The following GRID2 variants were observed in gnomAD, a reference collection of about 807,000 sequenced individuals.
GRID2 encodes the protein glutamate receptor ionotropic, delta-2.
Under a neutral mutation model 114.8 loss-of-function variants are expected in GRID2, and 33 were observed. That is an observed-to-expected ratio of 0.29 (90% CI 0.22 to 0.38). The LOEUF is 0.38. Among genes scored for constraint, GRID2 ranks in the 10% least tolerant of loss-of-function variants. GRID2 has a pLI of 1.00. For synonymous variants in GRID2, 505 were observed against 449.9 expected (o/e 1.12, Z -1.55); for missense variants, 1,184 against 1,257.7 (o/e 0.94, Z 0.89).
intron 4 of GRID2, among the ~76,000 whole-genome samples, chr4:93,193,126 A>T (rs901288987): frequency 2.0e-5 from 3 of 152,164 alleles, no homozygotes; most frequent in African/African-American, 4.8e-5. Flanking sequence ...TAATTCTATC[A>T]TCAAGTCATC....
intron 8 of GRID2, among the ~76,000 whole-genome samples, chr4:93,271,705 A>G (rs1282931779): frequency 6.6e-6 from 1 of 152,184 alleles, no homozygotes; most frequent in Non-Finnish European, 1.5e-5. Flanking sequence ...AATTTTTTGA[A>G]AAGTAAGGAA....
intron 4 of GRID2, among the ~76,000 whole-genome samples, chr4:93,112,404 GT>G (rs1732855973): frequency 6.6e-6 from 1 of 152,050 alleles, no homozygotes; most frequent in African/African-American, 2.4e-5. Flanking sequence ...CATGGGGGCG[GT>G]TTCCCCCATG....
At chr4:93,361,104 G>C (rs1364121875) in intron 8 of GRID2, among the ~76,000 whole-genome samples, 1 of 151,708 alleles carries the variant, frequency 6.6e-6, no homozygotes, top group East Asian at 1.9e-4. Context: ...GACATCTATA[G>C]TGGGACATGC....
At chr4:93,426,121 T>C (rs1247548880) in intron 10 of GRID2, among the ~76,000 whole-genome samples, 1 of 152,106 alleles carries the variant, frequency 6.6e-6, no homozygotes, top group Non-Finnish European at 1.5e-5. Flanking sequence ...AAGGCAGTGG[T>C]AGGGAAAATA....
rs1373915859 is a variant in GRID2 at position 92,603,722 on chromosome 4, C to T, written c.244+13436C>T. 2.6e-5 allele frequency among the ~76,000 whole-genome samples: 4 copies of T among 151,906 alleles called. No homozygotes were observed. The East Asian group carries it at 7.7e-4, about 29-fold the overall frequency. Reference sequence around the variant, plus strand: ...ATTTAACTAAAGAGATTCTGCACAGCAAAATAAACTACCATCAGAACAGAA... The same window carrying T: ...ATTTAACTAAAGAGATTCTGCACAGTAAAATAAACTACCATCAGAACAGAA... On this transcript the variant is annotated intron_variant, in intron 2 of 15. Transcript: ENST00000282020.
intron 12 of GRID2, among the ~76,000 whole-genome samples, chr4:93,514,643 G>T (rs559323934): frequency 3.9e-5 from 6 of 151,974 alleles, no homozygotes; most frequent in Non-Finnish European, 4.4e-5. Flanking sequence ...CTATAAAATG[G>T]GTCAAATAAT....
intron 8 of GRID2, among the ~76,000 whole-genome samples, chr4:93,290,926 G>A (rs1753683265): frequency 8.1e-6 from 1 of 124,134 alleles, no homozygotes; most frequent in African/African-American, 3.1e-5. Context: ...CGCCCAAGCT[G>A]GAGTGCAGTG....
intron 10 of GRID2, among the ~76,000 whole-genome samples, chr4:93,423,386 C>A (rs571439213): frequency 1.7e-5 from 2 of 118,352 alleles, no homozygotes; most frequent in Non-Finnish European, 3.2e-5. Context: ...CTCACTCTGT[C>A]CTCCAGGCTG....
At chr4:93,389,278 T>C (rs1240946076) in intron 8 of GRID2, among the ~76,000 whole-genome samples, 1 of 152,050 alleles carries the variant, frequency 6.6e-6, no homozygotes, top group Non-Finnish European at 1.5e-5. Flanking sequence ...GCAACTTTTA[T>C]CAGGTTGTAA....
chr4:92,447,867 C>A (rs577387340), intron 1 of GRID2, among the ~76,000 whole-genome samples: 1 of 152,170 alleles, frequency 6.6e-6, no homozygotes, highest in Non-Finnish European at 1.5e-5. Context: ...CTCCTAATAC[C>A]ATCACCTTAT....
intron 2 of GRID2, among the ~76,000 whole-genome samples, chr4:92,740,672 CATAGATAGATAGATAGATG>C (rs762424247): frequency 2.3e-5 from 2 of 85,946 alleles, no homozygotes; most frequent in East Asian, 4.9e-4. Context: ...GTTTATTCTG[CATAGATAGATAGATAGATG>C]ATAGATAGAT....
intron 2 of GRID2, among the ~76,000 whole-genome samples, chr4:92,746,077 T>C (rs1481292089): frequency 2.0e-5 from 3 of 152,242 alleles, no homozygotes; most frequent in East Asian, 3.9e-4. Flanking sequence ...CTCCTGTAGA[T>C]CTAGTGTTTA....
chr4:92,879,577 T>C (rs1745860762), intron 2 of GRID2, among the ~76,000 whole-genome samples: 1 of 150,638 alleles, frequency 6.6e-6, no homozygotes, highest in South Asian at 2.1e-4. Context: ...CACTTGCCTG[T>C]AAGGCAAGGG....
chr4:93,554,686 C>G (rs755594210), intron 13 of GRID2, among the ~76,000 whole-genome samples: 3 of 152,162 alleles, frequency 2.0e-5, no homozygotes, highest in African/African-American at 4.8e-5. Flanking sequence ...ACTCTAACCT[C>G]AATCTCCTGA....
chr4:93,766,766 C>A (rs1038973915), intron 14 of GRID2, among the ~76,000 whole-genome samples: 1 of 151,980 alleles, frequency 6.6e-6, no homozygotes, highest in African/African-American at 2.4e-5. Flanking sequence ...TTTAGGTGGG[C>A]AAATACATAA....
intron 2 of GRID2, among the ~76,000 whole-genome samples, chr4:93,071,125 C>G (rs1560847548): frequency 6.6e-6 from 1 of 152,120 alleles, no homozygotes; most frequent in Non-Finnish European, 1.5e-5. Context: ...TCTTTCCACT[C>G]TCTTCCTCAT....
At chr4:93,711,260 C>T (rs1172904866) in intron 14 of GRID2, among the ~76,000 whole-genome samples, 7 of 152,128 alleles carry the variant, frequency 4.6e-5, no homozygotes, top group Admixed American at 2.6e-4. Context: ...GATGTTTATT[C>T]AAAGTCCAAG....
At chr4:92,679,755 T>G (rs934181450) in intron 2 of GRID2, among the ~76,000 whole-genome samples, 1 of 152,050 alleles carries the variant, frequency 6.6e-6, no homozygotes, top group African/African-American at 2.4e-5. Context: ...GGGAAAAATA[T>G]TCTCATAATG....
At chr4:92,330,738 AAT>A (rs1186983757) in intron 1 of GRID2, among the ~76,000 whole-genome samples, 1 of 151,930 alleles carries the variant, frequency 6.6e-6, no homozygotes, top group African/African-American at 2.4e-5. Context: ...GTCATTATAA[AAT>A]ATATATATAA....
Sources: allele counts gnomAD v4.1 joint callset (sites outside exome capture counted in the v4.1 genomes callset), GRCh38; gene constraint gnomAD v4.1.1; transcripts MANE v1.5; gene names NCBI Gene and HGNC (gene_info 2026-07-23, HGNC 2026-07-21).